The following METTL25 variants were observed in gnomAD, a reference collection of about 807,000 sequenced individuals.
METTL25 encodes the protein methyltransferase like 25.
In METTL25, 64 loss-of-function variants were observed where a neutral mutation model predicts 71.6. The ratio of observed to expected loss-of-function variants is 0.89; its 90% CI spans 0.73 to 1.10. The LOEUF is 1.10. METTL25 is among the 50% of genes least tolerant of loss of function. The probability of loss-of-function intolerance (pLI) is 0.00; values close to 1 mark genes in which losing one functional copy is unlikely to be tolerated. For synonymous variants in METTL25, 287 were observed against 250.3 expected (o/e 1.15, Z -1.38); for missense variants, 807 against 707.0 (o/e 1.14, Z -1.60).
intron 8 of METTL25, among the ~76,000 whole-genome samples, chr12:82,440,750 C>T (rs1185555203): frequency 6.6e-6 from 1 of 151,982 alleles, no homozygotes; most frequent in African/African-American, 2.4e-5. Flanking sequence ...GGACTAACCT[C>T]ACTTCTGAGG....
rs57698458 is a variant in METTL25, at chr12:82,419,693, T to TAAAA, written c.1280-11192_1280-11189dup. Among the ~76,000 whole-genome samples the TAAAA allele has an allele frequency of 8.8e-3, 1,279 of 145,240 alleles. 10 individuals are homozygous for TAAAA. Among genetic ancestry groups the TAAAA allele is most frequent in the Non-Finnish European group, 0.012 (830 of 66,672 alleles). ...TCATACCTGTTAAAATGACTGCTAT[T>TAAAA]AAAAAAAAAAAGCCACAGGACAACA... On this transcript the variant is annotated intron_variant, in intron 5 of 11. Transcript: ENST00000248306.
At chr12:82,447,116 G>C (rs1439908614) in intron 8 of METTL25, among the ~76,000 whole-genome samples, 1 of 151,624 alleles carries the variant, frequency 6.6e-6, no homozygotes, top group Non-Finnish European at 1.5e-5. Flanking sequence ...ATCAAGATCA[G>C]AGCATAAATA....
At position 82,399,038 on chromosome 12, in the gene METTL25, G is replaced by A. The variant is rs1456789355; in HGVS notation, c.775G>A (p.Glu259Lys). The change falls in exon 4 of 12, where the codon GAG becomes AAG. Residue 259 changes from glutamate to lysine, a missense_variant. Transcript: ENST00000248306. ...QNKVKNKADT[E>K]EVFNNSPTNQ... ...TAAAGTTAAAAATAAAGCTGATACT[G>A]AGGAAGTGTTTAACAACAGTCCTAC... 4.3e-6 allele frequency: 7 copies of A among 1,612,224 alleles called. No homozygotes were observed. The Admixed American group carries it at 6.7e-5, about 15-fold the overall frequency.
intron 1 of METTL25, among the ~76,000 whole-genome samples, chr12:82,383,368 A>T (rs1407697965): frequency 2.0e-5 from 3 of 152,062 alleles, no homozygotes; most frequent in Non-Finnish European, 2.9e-5. Flanking sequence ...CACTGTACTT[A>T]ACAACTGTGG....
intron 1 of METTL25, among the ~76,000 whole-genome samples, chr12:82,386,240 A>G (rs1884985239): frequency 6.6e-6 from 1 of 152,164 alleles, no homozygotes; most frequent in Admixed American, 6.6e-5. Flanking sequence ...ATGATGCAGG[A>G]ACTGTTTTGC....
At chr12:82,367,016 A>G (rs1882647636) in intron 1 of METTL25, among the ~76,000 whole-genome samples, 1 of 152,222 alleles carries the variant, frequency 6.6e-6, no homozygotes, top group South Asian at 2.1e-4. Flanking sequence ...TCTGTTTGAG[A>G]TATAGAAAGT....
intron 5 of METTL25, among the ~76,000 whole-genome samples, chr12:82,407,493 C>G (rs931016430): frequency 6.6e-6 from 1 of 152,124 alleles, no homozygotes; most frequent in Non-Finnish European, 1.5e-5. Context: ...AAATATCTTA[C>G]CCATCAAGAA....
intron 8 of METTL25, among the ~76,000 whole-genome samples, chr12:82,442,782 A>AAATTT (rs1890444650): frequency 6.6e-6 from 1 of 152,174 alleles, no homozygotes; most frequent in African/African-American, 2.4e-5. Flanking sequence ...TTTAAAATTG[A>AAATTT]AAGTTTAATT....
chr12:82,358,887 G>C (rs1453858333), intron 1 of METTL25, 63 bp downstream of exon 1: 1 of 1,536,944 alleles, frequency 6.5e-7, no homozygotes, highest in South Asian at 1.2e-5. Context: ...CAGACGAAGC[G>C]AGCCCCCTGG....
intron 9 of METTL25, among the ~76,000 whole-genome samples, chr12:82,458,730 T>C (rs1891662687): frequency 6.6e-6 from 1 of 152,166 alleles, no homozygotes; most frequent in African/African-American, 2.4e-5. Flanking sequence ...TTATGAATAG[T>C]TTCTCAGAAG....
chr12:82,439,090 T>G (rs1890141700), intron 8 of METTL25: 1 of 188,318 alleles, frequency 5.3e-6, no homozygotes, highest in Non-Finnish European at 1.1e-5. Context: ...CGATATTATA[T>G]GAGCAAGAGT....
chr12:82,407,816 G>A, intron 5 of METTL25: 1 of 985,310 alleles, frequency 1.0e-6, no homozygotes, highest in Non-Finnish European at 1.2e-6. Flanking sequence ...TTATATTACA[G>A]TTTTGCCTAG....
chr12:82,439,424 C>T (rs1890162746), intron 8 of METTL25, among the ~76,000 whole-genome samples: 1 of 151,718 alleles, frequency 6.6e-6, no homozygotes, highest in South Asian at 2.1e-4. Flanking sequence ...TTGCTAATTA[C>T]AATTTTAGGA....
At chr12:82,429,863 A>C (rs1271524848) in intron 5 of METTL25, among the ~76,000 whole-genome samples, 1 of 151,486 alleles carries the variant, frequency 6.6e-6, no homozygotes, top group African/African-American at 2.4e-5. Flanking sequence ...GATTATCAGT[A>C]GGGTCTGTTA....
At chr12:82,459,170 C>T (rs1187608922) in intron 9 of METTL25, among the ~76,000 whole-genome samples, 1 of 151,836 alleles carries the variant, frequency 6.6e-6, no homozygotes, top group Non-Finnish European at 1.5e-5. Context: ...TCAGATATGG[C>T]AAAAATGTTA....
chr12:82,463,031 T>C (rs1891993128), intron 9 of METTL25, among the ~76,000 whole-genome samples: 1 of 152,094 alleles, frequency 6.6e-6, no homozygotes, highest in South Asian at 2.1e-4. Flanking sequence ...CCAGGGTTAT[T>C]AGCATATCCA....
At chr12:82,422,555 G>T (rs1410506598) in intron 5 of METTL25, among the ~76,000 whole-genome samples, 2 of 152,086 alleles carry the variant, frequency 1.3e-5, no homozygotes, top group Non-Finnish European at 2.9e-5. Flanking sequence ...GGGCAATTAG[G>T]CAGGAGAAGC....
At position 82,358,543 on chromosome 12, in the gene METTL25, T is replaced by G; in HGVS notation, c.-23T>G. On this transcript the variant is annotated 5_prime_UTR_variant, in exon 1 of 12. Coordinates refer to ENST00000248306, the MANE Select transcript of METTL25 (RefSeq NM_032230.3). The stretch of plus-strand genomic sequence containing the variant: ...GCCTCACGGCCATGTTTGCGCCACC[T>G]ACAGCCTCGGAGGGTGAGCGTCATG... 2 of 1,605,284 alleles carry G rather than the reference T, an allele frequency of 1.2e-6. No individual in the cohort carries two copies. The highest frequency in any genetic ancestry group is 1.7e-6 in the Non-Finnish European group (2 of 1,177,474).
At chr12:82,413,088 T>C (rs1887679296) in intron 5 of METTL25, among the ~76,000 whole-genome samples, 1 of 152,056 alleles carries the variant, frequency 6.6e-6, no homozygotes, top group African/African-American at 2.4e-5. Context: ...TTTCGGTGAC[T>C]CTCTTTTGGC....
Sources: allele counts gnomAD v4.1 joint callset (sites outside exome capture counted in the v4.1 genomes callset), GRCh38; gene constraint gnomAD v4.1.1; transcripts MANE v1.5; gene names NCBI Gene and HGNC (gene_info 2026-07-23, HGNC 2026-07-21).